GAS7: variants seen among roughly 807,000 people sequenced by gnomAD.
GAS7 encodes the protein growth arrest-specific protein 7.
In GAS7, 28 loss-of-function variants were observed where a neutral mutation model predicts 71.1. That is an observed-to-expected ratio of 0.39 (90% confidence interval 0.29 to 0.54). The LOEUF (loss-of-function observed/expected upper bound fraction) is 0.54. Among genes scored for constraint, GAS7 ranks in the 20% least tolerant of loss-of-function variants. GAS7 has a pLI of 0.62. For synonymous variants in GAS7, 258 were observed against 245.8 expected, an observed-to-expected ratio of 1.05 and a Z score of -0.46; for missense variants, 436 against 627.8, an observed-to-expected ratio of 0.69 and a Z score of 3.27.
chr17:10,152,024 TTTATCAGCATGCATCACTGG>T (rs1315296343), intron 1 of GAS7, among the ~76,000 whole-genome samples: 4 of 152,118 alleles, frequency 2.6e-5, no homozygotes, highest in African/African-American at 9.6e-5. Flanking sequence ...CAAAGGAGGA[TTTATCAGCATGCATCACTGG>T]AGTTCAGTGA....
At chr17:10,043,451 T>C (rs774685727) in intron 1 of GAS7, among the ~76,000 whole-genome samples, 2 of 152,080 alleles carry the variant, frequency 1.3e-5, no homozygotes, top group Non-Finnish European at 2.9e-5. Context: ...CCCCATGTGG[T>C]TGAAAATCTG....
chr17:10,059,542 A>C, intron 1 of GAS7: 1 of 198,378 alleles, frequency 5.0e-6, no homozygotes, highest in Non-Finnish European at 9.0e-6. Flanking sequence ...AATCCCCCCC[A>C]GAGCAGAGCC....
Position 10,198,322 on chromosome 17 carries a change from G to A in GAS7, c.69C>T (p.Phe23=). The A allele has an allele frequency of 1.2e-6, 2 of 1,601,650 alleles. No homozygotes were observed. Among genetic ancestry groups the A allele is most frequent in the South Asian group, 1.1e-5 (1 of 90,968 alleles). ...SGERHGQGLR[F]AAGELITLLQ... Reference sequence around the variant, plus strand: ...GCAGCGTGATCAGCTCGCCCGCGGCGAAGCGCAGCCCCTGGCCGTGCCGCT... The same window carrying A: ...GCAGCGTGATCAGCTCGCCCGCGGCAAAGCGCAGCCCCTGGCCGTGCCGCT... The change falls in exon 1 of 14, where the codon TTC becomes TTT. Residue 23 remains phenylalanine (F), a synonymous_variant. Transcript: ENST00000432992.
chr17:10,133,646 CCTAA>C (rs1018095127), intron 1 of GAS7, among the ~76,000 whole-genome samples: 7 of 152,188 alleles, frequency 4.6e-5, no homozygotes, highest in African/African-American at 1.7e-4. Flanking sequence ...ACTTAATCCT[CCTAA>C]CTAAATTTTG....
rs1389950991 is a variant in GAS7 at position 9,974,718 on chromosome 17, G to C, written c.386-4956C>G. On this transcript the variant is annotated intron_variant, in intron 3 of 13. Coordinates refer to ENST00000432992, the MANE Select transcript of GAS7 (RefSeq NM_201433.2). The surrounding 1 kb of genome is among the most constrained non-coding windows in gnomAD (Gnocchi z 4.0). ...AATGAGAGGAGGGGACAGATATTTG[G>C]GTAGAAAAGAGGAGGGAGGTCTGGG... Among the ~76,000 whole-genome samples the C allele has an allele frequency of 6.6e-6, 1 of 152,072 alleles. No individual in the cohort carries two copies. Among genetic ancestry groups the C allele is most frequent in the Non-Finnish European group, 1.5e-5 (1 of 68,010 alleles).
intron 1 of GAS7, among the ~76,000 whole-genome samples, chr17:10,044,075 C>T (rs962436710): frequency 3.9e-5 from 6 of 152,244 alleles, no homozygotes; most frequent in African/African-American, 1.4e-4. Flanking sequence ...CGTCAGTCTA[C>T]GGTACCTGAC....
At chr17:10,076,142 G>T (rs928696205) in intron 1 of GAS7, among the ~76,000 whole-genome samples, 1 of 133,790 alleles carries the variant, frequency 7.5e-6, no homozygotes, top group Non-Finnish European at 1.6e-5. Flanking sequence ...GAAAACGAAG[G>T]GGGGGAATGG....
intron 1 of GAS7, among the ~76,000 whole-genome samples, chr17:10,066,410 C>A (rs530237172): frequency 1.3e-5 from 2 of 152,306 alleles, no homozygotes; most frequent in African/African-American, 2.4e-5. Context: ...AAACTCCCGA[C>A]CTCAGGTGAT....
In GAS7 at chr17:9,913,694, C is replaced by A. The variant is rs1312524596; in HGVS notation, c.*3534G>T. On this transcript the variant is annotated 3_prime_UTR_variant, in exon 14 of 14. Transcript: ENST00000432992. Reference sequence around the variant, plus strand: ...CCCAGGGTGGTCCCACTGACAGAATCTCAGGGCCGCCATCCCCACGGTCCA... The same window carrying A: ...CCCAGGGTGGTCCCACTGACAGAATATCAGGGCCGCCATCCCCACGGTCCA... 4 of 231,506 alleles carry A rather than the reference C, an allele frequency of 1.7e-5. No homozygotes were observed. Among genetic ancestry groups the A allele is most frequent in the Non-Finnish European group, 2.6e-5 (3 of 117,060 alleles). The allele number at this position is 231,506 out of a possible 1,614,324, so 14.3% of individuals were successfully genotyped here.
rs1168698479 is a variant in GAS7, at chr17:10,006,316, C to CTTTTTTTT, written c.304+13453_304+13460dup. Among the ~76,000 whole-genome samples, 15 of 65,616 alleles carry CTTTTTTTT rather than the reference C, an allele frequency of 2.3e-4. 1 individual carries two copies. The highest frequency in any genetic ancestry group is 3.6e-4 in the Non-Finnish European group (12 of 33,540). The allele number at this position is 65,616 out of a possible 152,430, so 43.0% of individuals were successfully genotyped here. Reference sequence around the variant, plus strand: ...ATGAAAACAGTACAAGCCCCAGATTCTTTTTTTTTTTTTTTTTTTTTTTTT... The same window carrying CTTTTTTTT: ...ATGAAAACAGTACAAGCCCCAGATTCTTTTTTTTTTTTTTTTTTTTTTTTTTTTTTTTT... On this transcript the variant is annotated intron_variant, in intron 2 of 13. Coordinates refer to ENST00000432992, the MANE Select transcript of GAS7 (RefSeq NM_201433.2).
At chr17:9,991,709 G>A (rs2070850461) in intron 2 of GAS7, among the ~76,000 whole-genome samples, 4 of 152,068 alleles carry the variant, frequency 2.6e-5, no homozygotes. Flanking sequence ...AACACACCGG[G>A]AATCTGTGAG....
chr17:10,156,590 G>A (rs2074207069), intron 1 of GAS7, among the ~76,000 whole-genome samples: 1 of 152,196 alleles, frequency 6.6e-6, no homozygotes, highest in African/African-American at 2.4e-5. Context: ...TGACCCACAG[G>A]GACTCCAGGG....
chr17:9,989,950 C>G (rs1214644527), intron 2 of GAS7, among the ~76,000 whole-genome samples: 1 of 152,168 alleles, frequency 6.6e-6, no homozygotes, highest in Non-Finnish European at 1.5e-5. Context: ...GAAGGCTTGA[C>G]TGGGGCTGGA....
chr17:10,116,998 C>T (rs922772310), intron 1 of GAS7, among the ~76,000 whole-genome samples: 4 of 152,110 alleles, frequency 2.6e-5, no homozygotes, highest in Non-Finnish European at 5.9e-5. Context: ...GTAACAAATT[C>T]CCATACACTA....
chr17:10,047,316 G>A (rs560817882), intron 1 of GAS7, among the ~76,000 whole-genome samples: 12 of 152,206 alleles, frequency 7.9e-5, no homozygotes, highest in Non-Finnish European at 1.2e-4. Context: ...AGATAGTAAC[G>A]TGACAGTTCA....
At chr17:10,019,738 AG>A in intron 2 of GAS7, 38 bp downstream of exon 2, 4 of 1,586,674 alleles carry the variant, frequency 2.5e-6, no homozygotes, top group Non-Finnish European at 3.4e-6. Context: ...CCAGAATGCC[AG>A]GGGGTTGGTG....
chr17:9,941,293 C>T (rs1480077705), intron 7 of GAS7, among the ~76,000 whole-genome samples: 2 of 152,202 alleles, frequency 1.3e-5, no homozygotes, highest in African/African-American at 2.4e-5. Context: ...ACCTTCACCT[C>T]CAGACTGTGG....
intron 1 of GAS7, among the ~76,000 whole-genome samples, chr17:10,156,286 T>C (rs183358429): frequency 1.2e-4 from 18 of 152,312 alleles, no homozygotes; most frequent in African/African-American, 4.3e-4. Flanking sequence ...TAGCCCTCCA[T>C]GCCACAGCCA....
rs536842603 is a variant in GAS7, at chr17:10,024,470, G to A, written c.184-4573C>T. Among the ~76,000 whole-genome samples the A allele has an allele frequency of 9.2e-5, 14 of 152,284 alleles. No individual in the cohort carries two copies. In the South Asian group the frequency reaches 1.7e-3, roughly 18 times the overall value. ...CTGGAAGCAGAGGTGACACAGGCCC[G>A]GGGGCTGGGGACAGACCCCACCTGG... On this transcript the variant is annotated intron_variant, in intron 1 of 13. Coordinates refer to ENST00000432992, the MANE Select transcript of GAS7 (RefSeq NM_201433.2).
Sources: allele counts gnomAD v4.1 joint callset (sites outside exome capture counted in the v4.1 genomes callset), GRCh38; gene constraint gnomAD v4.1.1; non-coding constraint Gnocchi (gnomAD v3.1); transcripts MANE v1.5; gene names NCBI Gene and HGNC (gene_info 2026-07-23, HGNC 2026-07-21).